Variants in DLGAP2 observed in about 807,000 individuals in gnomAD.
DLGAP2 encodes the protein disks large-associated protein 2.
DLGAP2 carries 26 observed loss-of-function variants against 100.3 expected under a neutral mutation model. The ratio of observed to expected loss-of-function variants is 0.26; its 90% confidence interval spans 0.19 to 0.36. DLGAP2 has a LOEUF of 0.36. Among genes scored for constraint, DLGAP2 ranks in the 10% least tolerant of loss-of-function variants. The probability of loss-of-function intolerance (pLI) is 1.00; values close to 1 mark genes in which losing one functional copy is unlikely to be tolerated. For synonymous variants in DLGAP2, 886 were observed against 630.1 expected (o/e 1.41, Z -6.08); for missense variants, 1,858 against 1,453.2 (o/e 1.28, Z -4.53).
chr8:759,217 C>G (rs1284602110), intron 1 of DLGAP2, among the ~76,000 whole-genome samples: 1 of 142,542 alleles, frequency 7.0e-6, no homozygotes, highest in Non-Finnish European at 1.5e-5. Flanking sequence ...ATACCCCCCA[C>G]AGCCTTCCTG....
intron 1 of DLGAP2, among the ~76,000 whole-genome samples, chr8:883,895 G>A (rs894622493): frequency 1.3e-5 from 2 of 152,162 alleles, no homozygotes; most frequent in African/African-American, 2.4e-5. Flanking sequence ...GTGGTGTTGG[G>A]TTTTCTGTTT....
At chr8:1,076,183 A>T (rs1183665329) in intron 2 of DLGAP2, among the ~76,000 whole-genome samples, 1 of 152,122 alleles carries the variant, frequency 6.6e-6, no homozygotes, top group East Asian at 1.9e-4. Flanking sequence ...ATGAAGGTGA[A>T]CCTGACGTTC....
intron 1 of DLGAP2, among the ~76,000 whole-genome samples, chr8:899,537 TG>T (rs911397564): frequency 2.0e-5 from 3 of 152,184 alleles, no homozygotes; most frequent in African/African-American, 7.2e-5. Flanking sequence ...GTGTGTGTGG[TG>T]GCAGGCACCT....
intron 2 of DLGAP2, among the ~76,000 whole-genome samples, chr8:1,111,944 A>G (rs778211912): frequency 9.9e-5 from 15 of 152,110 alleles, no homozygotes; most frequent in Non-Finnish European, 2.2e-4. Flanking sequence ...GCTGGGTTGA[A>G]TGGCAGTTCT....
intron 8 of DLGAP2, among the ~76,000 whole-genome samples, chr8:1,666,200 C>T (rs1271608518): frequency 6.6e-6 from 1 of 152,128 alleles, no homozygotes; most frequent in East Asian, 1.9e-4. Context: ...AATAATTTTG[C>T]TTAAGGCATT....
At chr8:962,587 C>T (rs1238462109) in intron 2 of DLGAP2, among the ~76,000 whole-genome samples, 6 of 152,166 alleles carry the variant, frequency 3.9e-5, no homozygotes, top group African/African-American at 1.4e-4. Context: ...AGGTCACCTG[C>T]TCCAGCAGAG....
chr8:1,697,349 G>A, intron 14 of DLGAP2, 50 bp downstream of exon 14: 1 of 1,539,390 alleles, frequency 6.5e-7, no homozygotes. Flanking sequence ...CTTTCTCACT[G>A]CACTAACGAC....
intron 13 of DLGAP2, among the ~76,000 whole-genome samples, chr8:1,695,049 G>A (rs1470207941): frequency 4.6e-5 from 7 of 152,314 alleles, no homozygotes; most frequent in African/African-American, 1.4e-4. Flanking sequence ...GAGGAGGGGG[G>A]CACGGGAAGG....
At chr8:1,040,707 T>C (rs962876570) in intron 2 of DLGAP2, among the ~76,000 whole-genome samples, 24 of 152,096 alleles carry the variant, frequency 1.6e-4, no homozygotes, top group African/African-American at 5.6e-4. Flanking sequence ...TCGGTGTGCA[T>C]GGTCAGCTAG....
chr8:1,489,576 AT>A (rs1799319084), intron 3 of DLGAP2, among the ~76,000 whole-genome samples: 1 of 152,242 alleles, frequency 6.6e-6, no homozygotes, highest in Non-Finnish European at 1.5e-5. Flanking sequence ...AGTACTTTTT[AT>A]AATGTTTTAT....
At chr8:1,598,188 C>T (rs549708864) in intron 6 of DLGAP2, among the ~76,000 whole-genome samples, 1 of 152,166 alleles carries the variant, frequency 6.6e-6, no homozygotes, top group Non-Finnish European at 1.5e-5. Context: ...ATATGTTGAA[C>T]CAGCCTTGCA....
chr8:931,947 T>G (rs1798968453), intron 2 of DLGAP2, among the ~76,000 whole-genome samples: 1 of 152,236 alleles, frequency 6.6e-6, no homozygotes, highest in Non-Finnish European at 1.5e-5. Flanking sequence ...TCCCCATGGC[T>G]GGAAGGAAAC....
chr8:1,412,700 G>A (rs1000803516), intron 3 of DLGAP2, among the ~76,000 whole-genome samples: 1 of 152,162 alleles, frequency 6.6e-6, no homozygotes, highest in African/African-American at 2.4e-5. Context: ...TGTAATTATT[G>A]AGTCTTTCTT....
At chr8:1,191,465 C>G (rs765683164) in intron 2 of DLGAP2, among the ~76,000 whole-genome samples, 2 of 152,202 alleles carry the variant, frequency 1.3e-5, no homozygotes, top group Non-Finnish European at 2.9e-5. Context: ...CCACCGCGCC[C>G]AGCCGATACG....
At chr8:1,518,379 G>A (rs1442737089) in intron 4 of DLGAP2, among the ~76,000 whole-genome samples, 4 of 152,166 alleles carry the variant, frequency 2.6e-5, no homozygotes, top group Non-Finnish European at 5.9e-5. Flanking sequence ...GTGGCAAACC[G>A]AGTGGAGGTT....
intron 3 of DLGAP2, among the ~76,000 whole-genome samples, chr8:1,375,120 G>T (rs1802358823): frequency 7.0e-6 from 1 of 142,928 alleles, no homozygotes; most frequent in Non-Finnish European, 1.5e-5. Context: ...CTACATTTGG[G>T]TTAACGACAC....
rs190054332 is a variant in DLGAP2 at position 840,464 on chromosome 8, C to T, written c.19-67448C>T. Among the ~76,000 whole-genome samples the T allele has an allele frequency of 9.0e-4, 117 of 130,266 alleles. 2 individuals are homozygous for T. The highest frequency in any genetic ancestry group is 3.0e-3 in the African/African-American group (100 of 33,280). The allele number at this position is 130,266 out of a possible 152,430, so 85.5% of individuals were successfully genotyped here. ...TCTGGATTCTGGGAGCGCGTCTACACGGTACATGCCTGCACGTCTCCCTAC... is the reference window on the plus strand; with the variant it reads ...TCTGGATTCTGGGAGCGCGTCTACATGGTACATGCCTGCACGTCTCCCTAC... On this transcript the variant is annotated intron_variant, in intron 1 of 14. Coordinates refer to ENST00000637795, the MANE Select transcript of DLGAP2 (RefSeq NM_001346810.2).
intron 2 of DLGAP2, among the ~76,000 whole-genome samples, chr8:1,160,969 C>G (rs1031081086): frequency 2.0e-5 from 3 of 152,138 alleles, no homozygotes; most frequent in Admixed American, 6.5e-5. Flanking sequence ...AAATAGCCAC[C>G]AAGATGTTGG....
chr8:1,615,032 A>G (rs1006306901), intron 6 of DLGAP2, among the ~76,000 whole-genome samples: 2 of 152,250 alleles, frequency 1.3e-5, no homozygotes, highest in African/African-American at 4.8e-5. Flanking sequence ...GAACTGAAGC[A>G]GACAGCTGCA....
Sources: gnomAD v4.1 joint callset for allele counts (sites outside exome capture counted in the v4.1 genomes callset) on GRCh38, gnomAD v4.1.1 for gene constraint, MANE v1.5 for transcripts, NCBI Gene and HGNC (gene_info 2026-07-23, HGNC 2026-07-21) for gene names.